SMOC2: variants seen among roughly 807,000 people sequenced by gnomAD.
SMOC2 encodes SPARC-related modular calcium-binding protein 2.
A neutral mutation model predicts 61.4 loss-of-function variants in SMOC2; 39 were observed. The observed-to-expected ratio is 0.64, with a 90% CI of 0.49 to 0.83. SMOC2 has a LOEUF of 0.83. Ranked by LOEUF, SMOC2 falls within the 40% of genes least tolerant of loss-of-function variation. The pLI, the probability that SMOC2 is intolerant of heterozygous loss-of-function variation, is 0.00. For synonymous variants in SMOC2, 247 were observed against 239.9 expected, an observed-to-expected ratio of 1.03 and a Z score of -0.27; for missense variants, 556 against 592.9, an observed-to-expected ratio of 0.94 and a Z score of 0.65.
intron 1 of SMOC2, among the ~76,000 whole-genome samples, chr6:168,478,315 G>A (rs1441757079): frequency 6.6e-6 from 1 of 152,014 alleles, no homozygotes; most frequent in Non-Finnish European, 1.5e-5. Flanking sequence ...GATGGTGGTA[G>A]GAATTTGGCT....
intron 6 of SMOC2, among the ~76,000 whole-genome samples, chr6:168,547,907 A>G (rs1428294231): frequency 6.6e-6 from 1 of 152,164 alleles, no homozygotes; most frequent in East Asian, 1.9e-4. Flanking sequence ...TACAGCTTGG[A>G]TAATATAAAA....
chr6:168,527,609 G>T lies in SMOC2; in HGVS notation c.364-19G>T, dbSNP rs1042022310. ...GCCACGGGCCCGGGAGGGCTTACCC[G>T]TCCTGTGCTCTCTCGCAGGTCCAGT... On this transcript the variant is annotated intron_variant, in intron 3 of 12. Coordinates refer to ENST00000356284, the MANE Select transcript of SMOC2 (RefSeq NM_001166412.2). 1 of 1,542,076 alleles carries T rather than the reference G, an allele frequency of 6.5e-7. No individual in the cohort carries two copies. The highest frequency in any genetic ancestry group is 8.8e-7 in the Non-Finnish European group (1 of 1,140,208).
At chr6:168,455,330 GT>G (rs1429681865) in intron 1 of SMOC2, among the ~76,000 whole-genome samples, 1 of 152,188 alleles carries the variant, frequency 6.6e-6, no homozygotes, top group African/African-American at 2.4e-5. Context: ...ATTTTCCTGT[GT>G]TGTGTCTTGT....
chr6:168,633,149 G>C (rs1401291631), intron 9 of SMOC2, among the ~76,000 whole-genome samples: 2 of 152,236 alleles, frequency 1.3e-5, no homozygotes, highest in Non-Finnish European at 2.9e-5. Flanking sequence ...CCAGGAATGA[G>C]TAAGGAGGTG....
At chr6:168,554,537 G>A (rs576178047) in intron 7 of SMOC2, among the ~76,000 whole-genome samples, 7 of 152,164 alleles carry the variant, frequency 4.6e-5, no homozygotes, top group Non-Finnish European at 8.8e-5. Context: ...TGGAGAGGAG[G>A]GGCACGGAGG....
chr6:168,489,523 G>C (rs1222284033), intron 1 of SMOC2, among the ~76,000 whole-genome samples: 6 of 144,686 alleles, frequency 4.1e-5, no homozygotes, highest in East Asian at 2.1e-4. Context: ...GGTCCCCTTG[G>C]ATCACACTGT....
At position 168,493,103 on chromosome 6, in the gene SMOC2, C is replaced by T. The variant is rs145684086; in HGVS notation, c.85-16812C>T. On this transcript the variant is annotated intron_variant, in intron 1 of 12. Coordinates refer to ENST00000356284, the MANE Select transcript of SMOC2 (RefSeq NM_001166412.2). ...CCATGCTGGAGTGCAGTGGCAGGAT[C>T]TCAGCTCACTGCATCCTCTGCCTCC... Among the ~76,000 whole-genome samples the T allele has an allele frequency of 5.4e-4, 82 of 152,046 alleles. No individual in the cohort carries two copies. The East Asian group carries it at 0.014, about 26-fold the overall frequency.
intron 1 of SMOC2, among the ~76,000 whole-genome samples, chr6:168,445,144 C>G (rs945518811): frequency 5.9e-5 from 9 of 152,280 alleles, no homozygotes; most frequent in African/African-American, 2.2e-4. Context: ...CTAAGCAGAT[C>G]CGAATATTTC....
At chr6:168,443,672 T>C (rs1781268169) in intron 1 of SMOC2, among the ~76,000 whole-genome samples, 1 of 152,204 alleles carries the variant, frequency 6.6e-6, no homozygotes, top group East Asian at 1.9e-4. Flanking sequence ...GATTTTTCAG[T>C]GTGCTCATCT....
Position 168,475,778 on chromosome 6 carries a change from A to G in SMOC2, c.85-34137A>G, listed in dbSNP as rs1397596205. ...GCAGTATTGGTGGAATAGGCAGGAG[A>G]GGGAGACAACGTCTCCGGAGCCAGT... On this transcript the variant is annotated intron_variant, in intron 1 of 12. Transcript: ENST00000356284. This position sits in a 1 kb window ranked among gnomAD's most constrained non-coding sequence, Gnocchi z 4.6. Among the ~76,000 whole-genome samples, 1 of 152,118 alleles carries G rather than the reference A, an allele frequency of 6.6e-6. No individual in the cohort carries two copies.
chr6:168,471,956 T>C (rs147928903), intron 1 of SMOC2, among the ~76,000 whole-genome samples: 1 of 152,360 alleles, frequency 6.6e-6, no homozygotes, highest in East Asian at 1.9e-4. Context: ...AGTTGCTTTT[T>C]CAGATACATG....
intron 1 of SMOC2, among the ~76,000 whole-genome samples, chr6:168,462,725 G>A (rs1781742705): frequency 6.6e-6 from 1 of 152,180 alleles, no homozygotes; most frequent in Non-Finnish European, 1.5e-5. Context: ...AGAGGACTCA[G>A]GGAGAAAAAG....
At chr6:168,525,349 G>C (rs1783429295) in intron 2 of SMOC2, among the ~76,000 whole-genome samples, 1 of 152,202 alleles carries the variant, frequency 6.6e-6, no homozygotes, top group Admixed American at 6.5e-5. Flanking sequence ...TTCACTCCCT[G>C]GGCTGGAAGG....
chr6:168,590,207 C>T (rs1475592964), intron 7 of SMOC2, among the ~76,000 whole-genome samples: 6 of 104,656 alleles, frequency 5.7e-5, no homozygotes, highest in Non-Finnish European at 9.6e-5. Flanking sequence ...GGGCAGCCGG[C>T]CTGGTGTTGG....
At chr6:168,659,322 C>T (rs888780072) in intron 11 of SMOC2, among the ~76,000 whole-genome samples, 1 of 152,086 alleles carries the variant, frequency 6.6e-6, no homozygotes, top group African/African-American at 2.4e-5. Flanking sequence ...ACATGTGAAG[C>T]ACCAGGGTCA....
chr6:168,596,485 G>C (rs1029303554), intron 7 of SMOC2, among the ~76,000 whole-genome samples: 2 of 151,584 alleles, frequency 1.3e-5, no homozygotes, highest in African/African-American at 4.9e-5. Context: ...AAGTCTTCCA[G>C]GGTGCTGCTG....
chr6:168,632,790 G>A (rs1000239708), intron 9 of SMOC2, among the ~76,000 whole-genome samples: 9 of 152,258 alleles, frequency 5.9e-5, no homozygotes, highest in African/African-American at 1.4e-4. Context: ...TCTGTGGCTC[G>A]TCCTCAGAAG....
intron 7 of SMOC2, among the ~76,000 whole-genome samples, chr6:168,572,133 C>T (rs374911142): frequency 1.7e-3 from 39 of 23,398 alleles, no homozygotes; most frequent in African/African-American, 7.3e-3. Context: ...CCCCGGGTGC[C>T]GGGACCAGGG....
At chr6:168,537,292 G>C (rs1783755453) in intron 4 of SMOC2, among the ~76,000 whole-genome samples, 1 of 152,194 alleles carries the variant, frequency 6.6e-6, no homozygotes, top group African/African-American at 2.4e-5. Context: ...TTAGCTGAAA[G>C]CCGGTCCTAT....
Sources: allele counts gnomAD v4.1 joint callset (sites outside exome capture counted in the v4.1 genomes callset), GRCh38; gene constraint gnomAD v4.1.1; non-coding constraint Gnocchi (gnomAD v3.1); transcripts MANE v1.5; gene names NCBI Gene and HGNC (gene_info 2026-07-23, HGNC 2026-07-21).